FAT3: variants seen among roughly 807,000 people sequenced by gnomAD.
FAT3 encodes FAT atypical cadherin 3, also known as protocadherin Fat 3.
A neutral mutation model predicts 310.2 loss-of-function variants in FAT3; 95 were observed. That is an observed-to-expected ratio of 0.31 (90% CI 0.26 to 0.36). The LOEUF (loss-of-function observed/expected upper bound fraction) is 0.36. FAT3 is among the 10% of genes least tolerant of loss of function. The pLI is 1.00. For missense variants in FAT3, 5,408 were observed against 5,715.6 expected, an observed-to-expected ratio of 0.95 and a Z score of 1.74; for synonymous variants, 2,314 against 2,192.9, an observed-to-expected ratio of 1.06 and a Z score of -1.54.
At chr11:92,887,290 C>G (rs1272408795) in intron 25 of FAT3, among the ~76,000 whole-genome samples, 177 bp downstream of exon 25, 1 of 152,108 alleles carries the variant, frequency 6.6e-6, no homozygotes, top group Non-Finnish European at 1.5e-5. Context: ...CAAAGGAGCC[C>G]CCATTGAGCT....
intron 3 of FAT3, among the ~76,000 whole-genome samples, chr11:92,561,250 CGTGTGTGTGTGTGTGTGTGTGTGT>C (rs66585879): frequency 1.3e-4 from 20 of 148,496 alleles, no homozygotes; most frequent in African/African-American, 5.0e-4. Flanking sequence ...CCTTCTACTT[CGTGTGTGTGTGTGTGTGTGTGTGT>C]GTGTGTGTGT....
chr11:92,694,737 AG>A (rs1943890823), intron 3 of FAT3, among the ~76,000 whole-genome samples: 1 of 152,154 alleles, frequency 6.6e-6, no homozygotes, highest in Non-Finnish European at 1.5e-5. Context: ...GAAGAGCAGC[AG>A]GGTGAAGGCC....
At chr11:92,884,515 G>C (rs1949755708) in intron 24 of FAT3, among the ~76,000 whole-genome samples, 1 of 152,144 alleles carries the variant, frequency 6.6e-6, no homozygotes, top group Non-Finnish European at 1.5e-5. Flanking sequence ...GTCCTAGGTA[G>C]CCTAGAAGGC....
intron 3 of FAT3, among the ~76,000 whole-genome samples, chr11:92,574,546 C>G (rs2135513760): frequency 6.6e-6 from 1 of 152,208 alleles, no homozygotes; most frequent in Middle Eastern, 3.4e-3. Context: ...AATGTACTCA[C>G]CAGTCCCCAT....
chr11:92,790,189 G>A lies in FAT3; in HGVS notation c.4582G>A (p.Ala1528Thr), dbSNP rs1399556548. Residue 1528 changes from alanine to threonine, a missense_variant, in exon 8 of 28, where the codon GCC (alanine) becomes ACC (threonine). Transcript: ENST00000525166. ...TACTGCCGAGAGGCTGGACCATGAG[G>A]CCCAGGACAAGCACATTCTCAACAT... is the stretch of plus-strand genomic sequence containing the variant. ...LYTAERLDHE[A>T]QDKHILNIMV... 3 of 1,613,662 alleles carry A rather than the reference G, an allele frequency of 1.9e-6. No individual in the cohort carries two copies. The highest frequency in any genetic ancestry group is 8.5e-7 in the Non-Finnish European group (1 of 1,179,650).
At chr11:92,277,959 C>G (rs1946321388) in intron 1 of FAT3, among the ~76,000 whole-genome samples, 2 of 151,992 alleles carry the variant, frequency 1.3e-5, no homozygotes, top group African/African-American at 4.8e-5. Flanking sequence ...TGGCACAAGC[C>G]TGTATTCCCA....
chr11:92,661,893 G>A (rs1001192274), intron 3 of FAT3, among the ~76,000 whole-genome samples: 1 of 152,032 alleles, frequency 6.6e-6, no homozygotes, highest in Non-Finnish European at 1.5e-5. Context: ...TTTGTGTTTT[G>A]TTGGAGAGCC....
intron 3 of FAT3, among the ~76,000 whole-genome samples, chr11:92,607,229 A>G (rs1451477856): frequency 1.3e-5 from 2 of 151,886 alleles, no homozygotes; most frequent in Non-Finnish European, 2.9e-5. Flanking sequence ...CTACCTTATG[A>G]TATGATTTCC....
intron 2 of FAT3, among the ~76,000 whole-genome samples, chr11:92,373,702 C>T (rs1442920790): frequency 2.0e-5 from 3 of 150,938 alleles, no homozygotes; most frequent in Admixed American, 6.6e-5. Context: ...TCTTTATCCT[C>T]GTAACATTCT....
At chr11:92,554,879 C>A (rs1207730642) in intron 3 of FAT3, among the ~76,000 whole-genome samples, 1 of 152,178 alleles carries the variant, frequency 6.6e-6, no homozygotes, top group Non-Finnish European at 1.5e-5. Flanking sequence ...AGCTTCTGAT[C>A]CTGCCGTGTC....
intron 1 of FAT3, among the ~76,000 whole-genome samples, chr11:92,306,477 CTT>C (rs1491381143): frequency 7.9e-6 from 1 of 126,126 alleles, no homozygotes; most frequent in Non-Finnish European, 1.6e-5. Context: ...TATATATAAA[CTT>C]ATATATATAT....
chr11:92,688,279 C>T (rs1268861458), intron 3 of FAT3, among the ~76,000 whole-genome samples: 5 of 152,142 alleles, frequency 3.3e-5, no homozygotes, highest in South Asian at 2.1e-4. Flanking sequence ...TGGAAGGATT[C>T]GGATCAGAAC....
intron 1 of FAT3, among the ~76,000 whole-genome samples, chr11:92,276,582 A>G (rs1331544805): frequency 1.3e-5 from 2 of 152,060 alleles, no homozygotes; most frequent in East Asian, 1.9e-4. Flanking sequence ...GTGCTTTGCT[A>G]TTGCCAGGGG....
intron 19 of FAT3, among the ~76,000 whole-genome samples, chr11:92,854,647 A>G (rs1174131291): frequency 6.6e-6 from 1 of 152,248 alleles, no homozygotes; most frequent in Non-Finnish European, 1.5e-5. Context: ...GTATTCACTT[A>G]TAGCTGTTTT....
chr11:92,724,775 A>G (rs1057289921), intron 4 of FAT3, among the ~76,000 whole-genome samples: 3 of 152,214 alleles, frequency 2.0e-5, no homozygotes, highest in African/African-American at 7.2e-5. Flanking sequence ...AACTGTTGCC[A>G]TAGATTTACC....
chr11:92,725,023 A>G (rs562072293), intron 4 of FAT3, among the ~76,000 whole-genome samples: 32 of 152,332 alleles, frequency 2.1e-4, no homozygotes, highest in African/African-American at 7.2e-4. Flanking sequence ...CCTGAATACA[A>G]TGAGAAACAC....
chr11:92,799,144 G>C lies in FAT3; in HGVS notation c.6131G>C (p.Arg2044Pro), dbSNP rs561428689. 1.2e-6 allele frequency: 2 copies of C among 1,613,922 alleles called. No individual in the cohort carries two copies. Among genetic ancestry groups the C allele is most frequent in the East Asian group, 2.2e-5 (1 of 44,846 alleles). ...CAGACGACTGGAGTCCCCTTTGACC[G>C]TGAAGAACAAGAGTTATATGAGCTG... ...VIQTTGVPFD[R>P]EEQELYELVV... The change falls in exon 10 of 28, where the codon CGT (arginine) becomes CCT (proline). Residue 2044 changes from arginine (R) to proline (P), a missense_variant. Coordinates refer to ENST00000525166, the MANE Select transcript of FAT3 (RefSeq NM_001367949.2).
intron 4 of FAT3, among the ~76,000 whole-genome samples, chr11:92,734,845 A>G (rs1413241141): frequency 1.3e-5 from 2 of 152,144 alleles, no homozygotes; most frequent in Non-Finnish European, 2.9e-5. Context: ...TTACAAAATG[A>G]TCCCTGAGCC....
chr11:92,680,982 A>G (rs1943466516), intron 3 of FAT3, among the ~76,000 whole-genome samples: 2 of 152,254 alleles, frequency 1.3e-5, no homozygotes, highest in South Asian at 4.1e-4. Flanking sequence ...ATGAAAATTC[A>G]AATAGGACAA....
Sources: allele counts gnomAD v4.1 joint callset (sites outside exome capture counted in the v4.1 genomes callset), GRCh38; gene constraint gnomAD v4.1.1; transcripts MANE v1.5; gene names NCBI Gene and HGNC (gene_info 2026-07-23, HGNC 2026-07-21).